The following GLIPR1L1 variants were observed in gnomAD, a reference collection of about 807,000 sequenced individuals.
The protein encoded by GLIPR1L1 is GLIPR1-like protein 1.
A neutral mutation model predicts 29.9 loss-of-function variants in GLIPR1L1; 26 were observed. The ratio of observed to expected loss-of-function variants is 0.87; its 90% CI spans 0.64 to 1.21. The LOEUF (loss-of-function observed/expected upper bound fraction) is 1.21, where lower values mean the gene tolerates loss of function less well. Among genes scored for constraint, GLIPR1L1 ranks in the 50% most tolerant of loss-of-function variants. The probability of loss-of-function intolerance (pLI) is 0.00; values close to 1 mark genes in which losing one functional copy is unlikely to be tolerated. For synonymous variants in GLIPR1L1, 77 were observed against 97.5 expected, an observed-to-expected ratio of 0.79 and a Z score of 1.24; for missense variants, 305 against 290.3, an observed-to-expected ratio of 1.05 and a Z score of -0.37.
In GLIPR1L1 at chr12:75,370,153, T is replaced by C. The variant is rs572445989; in HGVS notation, c.706T>C (p.Phe236Leu). 3 of 1,582,652 alleles carry C rather than the reference T, an allele frequency of 1.9e-6. No homozygotes were observed. Among genetic ancestry groups the C allele is most frequent in the Non-Finnish European group, 2.6e-6 (3 of 1,153,448 alleles). The change falls in exon 6 of 6, where the codon TTT (phenylalanine) becomes CTT (leucine). Residue 236 changes from phenylalanine (F) to leucine (L), a missense_variant. By Grantham distance (22) the Phe-to-Leu change is conservative. Coordinates refer to ENST00000378695, the MANE Select transcript of GLIPR1L1 (RefSeq NM_001304964.2). The part of the protein sequence containing the change: ...QTAFNPFSLG[F>L]LLLRIF Reference sequence around the variant, plus strand: ...AGCCTTTAATCCATTCAGCTTAGGTTTTCTTCTTCTGAGAATCTTTTAATG... The same window carrying C: ...AGCCTTTAATCCATTCAGCTTAGGTCTTCTTCTTCTGAGAATCTTTTAATG...
chr12:75,370,559 T>C lies in GLIPR1L1; in HGVS notation c.*383T>C, dbSNP rs2044294800. 6.4e-6 allele frequency: 1 copy of C among 156,264 alleles called. No individual in the cohort carries two copies. The highest frequency in any genetic ancestry group is 2.4e-5 in the African/African-American group (1 of 41,518). 9.7% of individuals were successfully genotyped at this position (156,264 alleles called of 1,614,324 possible). ...CCATCAACATCATTCAGAAACAAAA[T>C]GTTACTGAGGAAAGTTTTTTCAGAT... On this transcript the variant is annotated 3_prime_UTR_variant, in exon 6 of 6. Coordinates refer to ENST00000378695, the MANE Select transcript of GLIPR1L1 (RefSeq NM_001304964.2).
chr12:75,344,292 C>T (rs1211526472), intron 2 of GLIPR1L1, among the ~76,000 whole-genome samples: 3 of 152,062 alleles, frequency 2.0e-5, no homozygotes, highest in Admixed American at 6.5e-5. Context: ...GTTCTTCCCA[C>T]ATAAACTGAT....
chr12:75,369,453 T>A (rs1211377606), intron 4 of GLIPR1L1: 4 of 886,088 alleles, frequency 4.5e-6, no homozygotes, highest in Non-Finnish European at 5.4e-6. Flanking sequence ...GTCAAAAAAA[T>A]TAATTAATTA....
chr12:75,335,290 C>G (rs1032215963), intron 1 of GLIPR1L1, among the ~76,000 whole-genome samples: 1 of 152,112 alleles, frequency 6.6e-6, no homozygotes, highest in Admixed American at 6.5e-5. Context: ...AATGGAGATT[C>G]TCTTGTTCTC....
At chr12:75,349,444 G>A (rs1198054336) in intron 3 of GLIPR1L1, among the ~76,000 whole-genome samples, 1 of 152,020 alleles carries the variant, frequency 6.6e-6, no homozygotes, top group Non-Finnish European at 1.5e-5. Flanking sequence ...ACAATGTCTG[G>A]CATCTAATGA....
rs369071008 is a variant in GLIPR1L1, at chr12:75,345,266, T to C, written c.420+1328T>C. ...CCAGGACAATTATACAGTTTCTATC[T>C]TTTTTTTTCTGCAAATCTCAGGGGT... On this transcript the variant is annotated intron_variant, in intron 2 of 5. Transcript: ENST00000378695. Among the ~76,000 whole-genome samples the C allele has an allele frequency of 7.3e-5, 11 of 151,686 alleles. No individual in the cohort carries two copies. In the East Asian group the frequency reaches 1.9e-3, roughly 27 times the overall value.
chr12:75,340,090 T>C (rs2042002010), intron 1 of GLIPR1L1, among the ~76,000 whole-genome samples: 1 of 151,762 alleles, frequency 6.6e-6, no homozygotes, highest in African/African-American at 2.4e-5. Flanking sequence ...TTTGTTCCTT[T>C]TTATGGCTGA....
chr12:75,370,193 A>T lies in GLIPR1L1; in HGVS notation c.*17A>T, dbSNP rs771333853. On this transcript the variant is annotated 3_prime_UTR_variant, in exon 6 of 6. Transcript: ENST00000378695. ...ATCTTTTAATGTCATTTATATACAA[A>T]AGAAATTCTCAAATGTTAAAATAAA... 7.4e-6 allele frequency: 9 copies of T among 1,219,914 alleles called. No homozygotes were observed. In the East Asian group the frequency reaches 2.1e-4, roughly 28 times the overall value. 75.6% of individuals were successfully genotyped at this position (1,219,914 alleles called of 1,614,324 possible).
intron 1 of GLIPR1L1, among the ~76,000 whole-genome samples, chr12:75,340,366 G>C (rs2042021858): frequency 6.6e-6 from 1 of 151,660 alleles, no homozygotes; most frequent in East Asian, 1.9e-4. Flanking sequence ...GTCTATTCAA[G>C]AAATGGTGTT....
intron 4 of GLIPR1L1, among the ~76,000 whole-genome samples, chr12:75,363,843 G>A (rs1484439766): frequency 6.6e-6 from 1 of 152,134 alleles, no homozygotes; most frequent in African/African-American, 2.4e-5. Flanking sequence ...ACATTTTAAG[G>A]AGACTAAGAC....
intron 1 of GLIPR1L1, among the ~76,000 whole-genome samples, chr12:75,338,361 C>G (rs1045169914): frequency 6.6e-6 from 1 of 152,056 alleles, no homozygotes; most frequent in African/African-American, 2.4e-5. Flanking sequence ...AATGAAAAAT[C>G]TGTGAGAAAT....
chr12:75,370,360 TAA>T lies in GLIPR1L1; in HGVS notation c.*186_*187del, dbSNP rs1175334018. On this transcript the variant is annotated 3_prime_UTR_variant, in exon 6 of 6. Coordinates refer to ENST00000378695, the MANE Select transcript of GLIPR1L1 (RefSeq NM_001304964.2). Reference sequence around the variant, plus strand: ...GTATGGAAAATGGATAGCAGTAGAATAAAGTCTTAAGATTATTTTTTAATTAC... The same window carrying T: ...GTATGGAAAATGGATAGCAGTAGAATAGTCTTAAGATTATTTTTTAATTAC... 8.5e-6 allele frequency: 4 copies of T among 469,618 alleles called. No homozygotes were observed. Among genetic ancestry groups the T allele is most frequent in the East Asian group, 3.1e-5 (1 of 32,018 alleles). The allele number at this position is 469,618 out of a possible 1,614,324, so 29.1% of individuals were successfully genotyped here. A position where few individuals can be genotyped will look rare whatever the true frequency, so the allele number is the denominator to read the frequency against.
intron 4 of GLIPR1L1, among the ~76,000 whole-genome samples, chr12:75,368,026 T>C (rs2044104327): frequency 6.6e-6 from 1 of 152,158 alleles, no homozygotes; most frequent in Non-Finnish European, 1.5e-5. Flanking sequence ...AATTTTTTCC[T>C]GCATCTCTTG....
chr12:75,358,763 AT>A (rs1238570531), intron 3 of GLIPR1L1, among the ~76,000 whole-genome samples: 1 of 144,658 alleles, frequency 6.9e-6, no homozygotes, highest in African/African-American at 2.5e-5. Flanking sequence ...AATATATTAT[AT>A]ATGTTTAAAT....
intron 3 of GLIPR1L1, among the ~76,000 whole-genome samples, chr12:75,357,995 A>G (rs1319347502): frequency 6.6e-6 from 1 of 151,578 alleles, no homozygotes; most frequent in African/African-American, 2.4e-5. Context: ...AGTAATAACA[A>G]AAATAAAAGC....
At chr12:75,346,056 A>G (rs1482833844) in intron 2 of GLIPR1L1, among the ~76,000 whole-genome samples, 2 of 152,212 alleles carry the variant, frequency 1.3e-5, no homozygotes, top group African/African-American at 2.4e-5. Flanking sequence ...GTTACATCCA[A>G]TGTTCATATT....
rs138367208 is a variant in GLIPR1L1, at chr12:75,363,526, C to A, written c.610+336C>A. ...TTGTTATTAGTTATTAGAATAGTGACCCATTCAGAAGTAATTTGTCAGTCA... is the reference window on the plus strand; with the variant it reads ...TTGTTATTAGTTATTAGAATAGTGAACCATTCAGAAGTAATTTGTCAGTCA... On this transcript the variant is annotated intron_variant, in intron 4 of 5. Transcript: ENST00000378695. Among the ~76,000 whole-genome samples the A allele has an allele frequency of 3.9e-3, 586 of 152,142 alleles. 3 individuals are homozygous for A. The highest frequency in any genetic ancestry group is 0.013 in the African/African-American group (533 of 41,508).
chr12:75,361,735 T>C (rs1262807999), intron 3 of GLIPR1L1, among the ~76,000 whole-genome samples: 1 of 152,072 alleles, frequency 6.6e-6, no homozygotes, highest in African/African-American at 2.4e-5. Context: ...CAGATCTCAG[T>C]AGAACTCACT....
chr12:75,354,274 C>G (rs1428271205), intron 3 of GLIPR1L1, among the ~76,000 whole-genome samples: 1 of 151,890 alleles, frequency 6.6e-6, no homozygotes, highest in Non-Finnish European at 1.5e-5. Flanking sequence ...AACCCAAAAG[C>G]TTTTTAAGCT....
Sources: gnomAD v4.1 joint callset for allele counts (sites outside exome capture counted in the v4.1 genomes callset) on GRCh38, gnomAD v4.1.1 for gene constraint, MANE v1.5 for transcripts, NCBI Gene and HGNC (gene_info 2026-07-23, HGNC 2026-07-21) for gene names.